Variants in GLCE observed in about 807,000 individuals in gnomAD.
GLCE encodes D-glucuronyl C5-epimerase.
A neutral mutation model predicts 47.9 loss-of-function variants in GLCE; 19 were observed. The observed-to-expected ratio is 0.40, with a 90% CI of 0.28 to 0.58. The LOEUF (loss-of-function observed/expected upper bound fraction) is 0.58, where lower values mean the gene tolerates loss of function less well. Ranked by LOEUF, GLCE falls within the 20% of genes least tolerant of loss-of-function variation. The pLI, the probability that GLCE is intolerant of heterozygous loss-of-function variation, is 0.48. For synonymous variants in GLCE, 245 were observed against 263.4 expected, an observed-to-expected ratio of 0.93 and a Z score of 0.68; for missense variants, 556 against 743.3, an observed-to-expected ratio of 0.75 and a Z score of 2.93.
At chr15:69,209,975 C>CG (rs1180714125) in intron 1 of GLCE, among the ~76,000 whole-genome samples, 1 of 151,980 alleles carries the variant, frequency 6.6e-6, no homozygotes, top group African/African-American at 2.4e-5. Flanking sequence ...GAGAAAAAAA[C>CG]GGGGGGATTT....
At chr15:69,195,665 A>T (rs182876622) in intron 1 of GLCE, among the ~76,000 whole-genome samples, 2 of 152,220 alleles carry the variant, frequency 1.3e-5, no homozygotes, top group African/African-American at 4.8e-5. Flanking sequence ...TTTTCAGGGG[A>T]ATGCAAACTA....
chr15:69,185,647 T>C (rs1209919760), intron 1 of GLCE, among the ~76,000 whole-genome samples: 1 of 152,076 alleles, frequency 6.6e-6, no homozygotes, highest in Non-Finnish European at 1.5e-5. Context: ...CGTGTTTTTT[T>C]CTACTCTCAC....
chr15:69,264,647 C>A (rs1026976346), intron 4 of GLCE, among the ~76,000 whole-genome samples: 1 of 152,148 alleles, frequency 6.6e-6, no homozygotes, highest in Non-Finnish European at 1.5e-5. Flanking sequence ...AATTTACATT[C>A]CCACCCAAAG....
intron 1 of GLCE, among the ~76,000 whole-genome samples, chr15:69,207,603 A>G (rs1235807678): frequency 1.3e-5 from 2 of 152,122 alleles, no homozygotes; most frequent in East Asian, 1.9e-4. Flanking sequence ...TCATTTCTGC[A>G]TAGTATTTTA....
At position 69,268,956 on chromosome 15, in the gene GLCE, A is replaced by G. The variant is rs374601683; in HGVS notation, c.1566A>G (p.Leu522=). ...ATTCTTTAATTGGGCTGTATGACTT[A>G]AAAGAAACTGCAGGGGAAAAACTCG... ...FMYSLIGLYD[L]KETAGEKLGK... Residue 522 remains leucine (L), a synonymous_variant, in exon 5 of 5, where the codon TTA becomes TTG. Coordinates refer to ENST00000261858, the MANE Select transcript of GLCE (RefSeq NM_015554.3). 89 of 1,614,102 alleles carry G rather than the reference A, an allele frequency of 5.5e-5. No homozygotes were observed. Among genetic ancestry groups the G allele is most frequent in the Non-Finnish European group, 6.7e-5 (79 of 1,180,030 alleles).
intron 1 of GLCE, among the ~76,000 whole-genome samples, chr15:69,165,531 C>CT (rs1035069678): frequency 6.3e-4 from 48 of 75,868 alleles, no homozygotes; most frequent in African/African-American, 2.2e-3. Context: ...TTTTTTAGCT[C>CT]TTTTTTAGTT....
intron 1 of GLCE, among the ~76,000 whole-genome samples, chr15:69,196,163 C>T (rs1453432587): frequency 2.0e-5 from 3 of 152,004 alleles, no homozygotes; most frequent in African/African-American, 7.2e-5. Flanking sequence ...GCAAGGGTAA[C>T]AGATTTGAGG....
intron 1 of GLCE, among the ~76,000 whole-genome samples, chr15:69,204,870 G>A (rs374088771): frequency 6.6e-6 from 1 of 152,022 alleles, no homozygotes; most frequent in African/African-American, 2.4e-5. Context: ...TACATGTCAC[G>A]ACTGAGCTAT....
chr15:69,233,331 A>C (rs958461428), intron 2 of GLCE, among the ~76,000 whole-genome samples: 43 of 152,202 alleles, frequency 2.8e-4, no homozygotes, highest in Non-Finnish European at 5.4e-4. Context: ...AGAAAAGAGA[A>C]ATCAAAATTT....
Position 69,217,477 on chromosome 15 carries a change from G to A in GLCE, c.-14+7071G>A, listed in dbSNP as rs149054001. On this transcript the variant is annotated intron_variant, in intron 2 of 4. Transcript: ENST00000261858. Reference sequence around the variant, plus strand: ...AGGAAAAAAAAGAAGAAAGAATGTGGGTTTTTATTTGTTCTGTAAGGCCTT... The same window carrying A: ...AGGAAAAAAAAGAAGAAAGAATGTGAGTTTTTATTTGTTCTGTAAGGCCTT... Among the ~76,000 whole-genome samples, 441 of 151,838 alleles carry A rather than the reference G, an allele frequency of 2.9e-3. 4 individuals carry two copies. Among genetic ancestry groups the A allele is most frequent in the Admixed American group, 8.6e-3 (131 of 15,258 alleles).
At chr15:69,265,946 TCA>T (rs2053079591) in intron 4 of GLCE, among the ~76,000 whole-genome samples, 1 of 152,192 alleles carries the variant, frequency 6.6e-6, no homozygotes, top group African/African-American at 2.4e-5. Flanking sequence ...ATAAGTCAGT[TCA>T]GAATCCTGCA....
chr15:69,251,636 A>G (rs1219056884), intron 2 of GLCE, among the ~76,000 whole-genome samples: 2 of 152,180 alleles, frequency 1.3e-5, no homozygotes, highest in African/African-American at 4.8e-5. Context: ...AAAGACAAGT[A>G]AATAATTTTT....
At chr15:69,253,633 G>T (rs188167179) in intron 2 of GLCE, among the ~76,000 whole-genome samples, 20 of 152,272 alleles carry the variant, frequency 1.3e-4, no homozygotes, top group African/African-American at 4.3e-4. Context: ...AATATATTCA[G>T]AGATCCAAGA....
At chr15:69,235,881 A>G (rs563533010) in intron 2 of GLCE, among the ~76,000 whole-genome samples, 4 of 152,364 alleles carry the variant, frequency 2.6e-5, no homozygotes, top group African/African-American at 9.6e-5. Context: ...TTTAACTACC[A>G]GCACAACAAT....
chr15:69,254,345 A>G (rs906347033), intron 2 of GLCE, among the ~76,000 whole-genome samples: 9 of 152,316 alleles, frequency 5.9e-5, no homozygotes, highest in African/African-American at 2.2e-4. Context: ...CTCATACACC[A>G]TATGGCCAGA....
intron 1 of GLCE, among the ~76,000 whole-genome samples, chr15:69,168,534 TC>T (rs2051538499): frequency 1.1e-5 from 1 of 94,282 alleles, no homozygotes; most frequent in African/African-American, 3.6e-5. Flanking sequence ...TTCCATCTAT[TC>T]CTTTTTTTTT....
At chr15:69,176,577 T>G (rs2051669092) in intron 1 of GLCE, among the ~76,000 whole-genome samples, 1 of 152,092 alleles carries the variant, frequency 6.6e-6, no homozygotes, top group African/African-American at 2.4e-5. Context: ...CAATATAGAA[T>G]ACAAATAAAA....
chr15:69,162,186 A>T (rs2051434353), intron 1 of GLCE, among the ~76,000 whole-genome samples: 1 of 152,196 alleles, frequency 6.6e-6, no homozygotes, highest in African/African-American at 2.4e-5. Flanking sequence ...GAGCTTTTTT[A>T]GAGAATTCTG....
At chr15:69,230,212 TA>T (rs34749707) in intron 2 of GLCE, among the ~76,000 whole-genome samples, 96,009 of 138,056 alleles carry the variant, frequency 0.7, 33,358 homozygotes, top group Admixed American at 0.76. Flanking sequence ...CATCTCGATT[TA>T]AAAAAAAAAA....
Sources: gnomAD v4.1 joint callset for allele counts (sites outside exome capture counted in the v4.1 genomes callset) on GRCh38, gnomAD v4.1.1 for gene constraint, MANE v1.5 for transcripts, NCBI Gene and HGNC (gene_info 2026-07-23, HGNC 2026-07-21) for gene names.